Variants in RSPO2 observed in about 807,000 individuals in gnomAD.
The protein encoded by RSPO2 is R-spondin-2.
Under a neutral mutation model 30.9 loss-of-function variants are expected in RSPO2, and 14 were observed. That is an observed-to-expected ratio of 0.45 (90% CI 0.30 to 0.71). The LOEUF is 0.71. Among genes scored for constraint, RSPO2 ranks in the 30% least tolerant of loss-of-function variants. The pLI, the probability that RSPO2 is intolerant of heterozygous loss-of-function variation, is 0.08. For synonymous variants in RSPO2, 107 were observed against 96.4 expected (o/e 1.11, Z -0.64); for missense variants, 264 against 301.9 (o/e 0.87, Z 0.93).
intron 5 of RSPO2, among the ~76,000 whole-genome samples, chr8:107,947,999 A>C (rs1813120242): frequency 2.6e-5 from 4 of 151,870 alleles, no homozygotes; most frequent in African/African-American, 7.3e-5. Context: ...GTTTCTACCC[A>C]CTCCTCCTAA....
intron 5 of RSPO2, among the ~76,000 whole-genome samples, chr8:107,949,937 C>A (rs555196778): frequency 6.6e-6 from 1 of 152,250 alleles, no homozygotes; most frequent in South Asian, 2.1e-4. Context: ...ACACCTTCAG[C>A]CTTCATCCAA....
chr8:107,942,270 G>A (rs1015051368), intron 5 of RSPO2, among the ~76,000 whole-genome samples: 9 of 152,146 alleles, frequency 5.9e-5, no homozygotes, highest in Non-Finnish European at 1.3e-4. Flanking sequence ...TATTAGGAGA[G>A]TAAAATGTAC....
At chr8:107,909,090 C>T (rs78812405) in intron 5 of RSPO2, among the ~76,000 whole-genome samples, 5 of 152,004 alleles carry the variant, frequency 3.3e-5, no homozygotes, top group Non-Finnish European at 7.4e-5. Flanking sequence ...ATATACTAGG[C>T]AATTTGCTAG....
intron 3 of RSPO2, among the ~76,000 whole-genome samples, chr8:107,972,130 T>C (rs1814019791): frequency 6.6e-6 from 1 of 151,936 alleles, no homozygotes; most frequent in Admixed American, 6.5e-5. Context: ...TAAGTTTCTA[T>C]CAGTTTAGAA....
At chr8:108,029,747 T>C (rs1215522830) in intron 2 of RSPO2, among the ~76,000 whole-genome samples, 6 of 152,210 alleles carry the variant, frequency 3.9e-5, no homozygotes, top group Non-Finnish European at 8.8e-5. Context: ...TATTTACATA[T>C]TTAATATTCC....
In RSPO2 at chr8:107,967,730, A is replaced by C. The variant is rs1436034260; in HGVS notation, c.284-6913T>G. Among the ~76,000 whole-genome samples, 4 of 152,192 alleles carry C rather than the reference A, an allele frequency of 2.6e-5. No individual in the cohort carries two copies. In the East Asian group the frequency reaches 7.7e-4, roughly 29 times the overall value. On this transcript the variant is annotated intron_variant, in intron 3 of 5. Transcript: ENST00000276659. ...GATAGTTGGTATAGGATAAAATTCA[A>C]CTATGTCAAATGCAGAACAGGACAC...
chr8:107,939,542 C>T (rs377377682), intron 5 of RSPO2, among the ~76,000 whole-genome samples: 9 of 143,344 alleles, frequency 6.3e-5, no homozygotes, highest in African/African-American at 2.4e-4. Context: ...TCTGGTTCTG[C>T]TGTTCAATAA....
chr8:108,036,272 A>C (rs2130646629), intron 2 of RSPO2, among the ~76,000 whole-genome samples: 1 of 152,374 alleles, frequency 6.6e-6, no homozygotes, highest in South Asian at 2.1e-4. Flanking sequence ...AGATCCCTTA[A>C]GAATTATGCT....
At chr8:108,006,923 G>A (rs1815471364) in intron 2 of RSPO2, among the ~76,000 whole-genome samples, 1 of 152,168 alleles carries the variant, frequency 6.6e-6, no homozygotes, top group Admixed American at 6.5e-5. Flanking sequence ...CTGTTTGAAA[G>A]TAAATTGCAG....
chr8:108,046,721 A>G (rs1219846780), intron 2 of RSPO2, among the ~76,000 whole-genome samples: 2 of 152,194 alleles, frequency 1.3e-5, no homozygotes, highest in African/African-American at 4.8e-5. Flanking sequence ...TTCAAGTCAT[A>G]TCAGGGTATG....
rs1259609331 is a variant in RSPO2, at chr8:108,059,997, TATA to T, written c.94+22545_94+22547del. Among the ~76,000 whole-genome samples the T allele has an allele frequency of 1.9e-4, 29 of 151,106 alleles. 2 individuals are homozygous for T. Among genetic ancestry groups the T allele is most frequent in the African/African-American group, 7.1e-4 (29 of 40,674 alleles). On this transcript the variant is annotated intron_variant, in intron 2 of 5. Coordinates refer to ENST00000276659, the MANE Select transcript of RSPO2 (RefSeq NM_178565.5). ...TGCACATGTACCCTAAAACTTAAAG[TATA>T]ATACTAATAAAATAAAATTAAAAAA... is the stretch of plus-strand genomic sequence containing the variant.
intron 5 of RSPO2, among the ~76,000 whole-genome samples, chr8:107,913,890 T>A (rs1169491247): frequency 6.6e-6 from 1 of 152,196 alleles, no homozygotes; most frequent in African/African-American, 2.4e-5. Context: ...CAAGTATCTG[T>A]AATAAGTTTT....
At chr8:107,912,795 G>A (rs1040751249) in intron 5 of RSPO2, among the ~76,000 whole-genome samples, 2 of 152,016 alleles carry the variant, frequency 1.3e-5, no homozygotes, top group African/African-American at 4.8e-5. Context: ...AAATACCAGT[G>A]GTATCAAGAT....
At chr8:107,963,743 A>G (rs1232964875) in intron 3 of RSPO2, among the ~76,000 whole-genome samples, 1 of 152,094 alleles carries the variant, frequency 6.6e-6, no homozygotes, top group Non-Finnish European at 1.5e-5. Context: ...GGTTATTACA[A>G]TATGTATTTG....
rs149250384 is a variant in RSPO2, at chr8:108,028,035, C to T, written c.95-38791G>A. ...CCATTCTACATATTCTACCACTCAACGAATGGGAGTTCCAAGTTCTTAGGC... is the reference window on the plus strand; with the variant it reads ...CCATTCTACATATTCTACCACTCAATGAATGGGAGTTCCAAGTTCTTAGGC... On this transcript the variant is annotated intron_variant, in intron 2 of 5. Transcript: ENST00000276659. Among the ~76,000 whole-genome samples the T allele has an allele frequency of 1.5e-4, 23 of 152,258 alleles. No individual in the cohort carries two copies. In the East Asian group the frequency reaches 3.5e-3, roughly 23 times the overall value.
chr8:108,063,600 T>C (rs1285362321), intron 2 of RSPO2, among the ~76,000 whole-genome samples: 1 of 151,778 alleles, frequency 6.6e-6, no homozygotes, highest in African/African-American at 2.4e-5. Context: ...AAAATGGCCA[T>C]ACTGCCCAAG....
chr8:108,017,890 T>C (rs1810944542), intron 2 of RSPO2, among the ~76,000 whole-genome samples: 2 of 152,196 alleles, frequency 1.3e-5, no homozygotes, highest in Non-Finnish European at 2.9e-5. Context: ...ATGTTAGTAG[T>C]CTGTGGGCTG....
At chr8:108,041,760 C>G (rs764277950) in intron 2 of RSPO2, among the ~76,000 whole-genome samples, 1 of 151,898 alleles carries the variant, frequency 6.6e-6, no homozygotes, top group Non-Finnish European at 1.5e-5. Flanking sequence ...ATAAAGAGTC[C>G]AAAACCAATG....
chr8:108,076,684 T>C (rs1813023169), intron 2 of RSPO2, among the ~76,000 whole-genome samples: 1 of 152,030 alleles, frequency 6.6e-6, no homozygotes, highest in South Asian at 2.1e-4. Flanking sequence ...ATTGTCAGGT[T>C]TGAGTATGCA....
Sources: gnomAD v4.1 joint callset for allele counts (sites outside exome capture counted in the v4.1 genomes callset) on GRCh38, gnomAD v4.1.1 for gene constraint, MANE v1.5 for transcripts, NCBI Gene and HGNC (gene_info 2026-07-23, HGNC 2026-07-21) for gene names.